The following PLBD1 variants were observed in gnomAD, a reference collection of about 807,000 sequenced individuals.
The protein encoded by PLBD1 is lysosomal leucine aminopeptidase.
PLBD1 carries 60 observed loss-of-function variants against 63.0 expected under a neutral mutation model. The ratio of observed to expected loss-of-function variants is 0.95; its 90% CI spans 0.77 to 1.18. PLBD1 has a LOEUF of 1.18. Ranked by LOEUF, PLBD1 falls within the 50% of genes most tolerant of loss-of-function variation. The pLI, the probability that PLBD1 is intolerant of heterozygous loss-of-function variation, is 0.00. For synonymous variants in PLBD1, 262 were observed against 248.0 expected (o/e 1.06, Z -0.53); for missense variants, 598 against 677.9 (o/e 0.88, Z 1.31).
At chr12:14,566,483 T>C (rs1459046284) in intron 1 of PLBD1, among the ~76,000 whole-genome samples, 1 of 152,184 alleles carries the variant, frequency 6.6e-6, no homozygotes, top group Admixed American at 6.5e-5. Flanking sequence ...ATTAATTCTC[T>C]TATTATTACT....
intron 4 of PLBD1, among the ~76,000 whole-genome samples, chr12:14,539,257 T>C (rs1272328799): frequency 1.3e-5 from 2 of 152,006 alleles, no homozygotes; most frequent in Non-Finnish European, 2.9e-5. Flanking sequence ...GAAAAATAAA[T>C]AAACACTGAT....
At chr12:14,565,423 G>A (rs544819815) in intron 1 of PLBD1, among the ~76,000 whole-genome samples, 11 of 151,268 alleles carry the variant, frequency 7.3e-5, no homozygotes, top group Non-Finnish European at 1.0e-4. Flanking sequence ...CCGAGATCAC[G>A]CCACTGTACC....
chr12:14,533,986 A>G (rs1270876157), intron 6 of PLBD1, among the ~76,000 whole-genome samples: 1 of 152,058 alleles, frequency 6.6e-6, no homozygotes, highest in Non-Finnish European at 1.5e-5. Flanking sequence ...TCCATAAAAC[A>G]TTTTTTAAAA....
chr12:14,558,041 T>C (rs1440282968), intron 1 of PLBD1, among the ~76,000 whole-genome samples: 2 of 91,274 alleles, frequency 2.2e-5, no homozygotes, highest in African/African-American at 8.0e-5. Flanking sequence ...AATGAAATAC[T>C]ACGTAGCCAA....
At chr12:14,567,483 G>C (rs1020430674) in intron 1 of PLBD1, 99 bp downstream of exon 1, 10 of 1,367,876 alleles carry the variant, frequency 7.3e-6, no homozygotes, top group African/African-American at 6.2e-5. Flanking sequence ...GGAACCAGAC[G>C]CCCGCTGGAC....
chr12:14,508,329 G>A lies in PLBD1; in HGVS notation c.1187-1211C>T, dbSNP rs373537739. ...TAAGCATCTTCATAAGCATGAGCAT[G>A]AAATGCATTCAGATGGAGTGCTTAC... On this transcript the variant is annotated intron_variant, in intron 8 of 10. Transcript: ENST00000240617. Among the ~76,000 whole-genome samples, 124 of 152,346 alleles carry A rather than the reference G, an allele frequency of 8.1e-4. 1 individual carries two copies. Among genetic ancestry groups the A allele is most frequent in the African/African-American group, 2.9e-3 (119 of 41,586 alleles).
chr12:14,523,632 T>A (rs993781869), intron 6 of PLBD1, among the ~76,000 whole-genome samples: 5 of 152,116 alleles, frequency 3.3e-5, no homozygotes, highest in African/African-American at 1.2e-4. Context: ...AAAATAGACA[T>A]ATATACTAAT....
rs372144515 is a variant in PLBD1, at chr12:14,544,196, C to T, written c.336-1905G>A. Among the ~76,000 whole-genome samples, 8 of 152,134 alleles carry T rather than the reference C, an allele frequency of 5.3e-5. No individual in the cohort carries two copies. The East Asian group carries it at 9.7e-4, about 18-fold the overall frequency. ...ACTAAGGACTTGTGTTTTTTTGAAA[C>T]GGAGTCTTGCTCTGTCACCCAGGCT... is the stretch of plus-strand genomic sequence containing the variant. On this transcript the variant is annotated intron_variant, in intron 2 of 10. Transcript: ENST00000240617.
At chr12:14,504,026 C>A (rs1202520346) in intron 10 of PLBD1, 72 bp from the exon 11 acceptor site, 2 of 1,361,672 alleles carry the variant, frequency 1.5e-6, no homozygotes, top group Non-Finnish European at 2.0e-6. Context: ...TGGCCTTCCC[C>A]ACTCTCCCAC....
intron 2 of PLBD1, among the ~76,000 whole-genome samples, chr12:14,546,821 A>C (rs1375840820): frequency 6.6e-6 from 1 of 152,228 alleles, no homozygotes; most frequent in Non-Finnish European, 1.5e-5. Context: ...CAAGACAGAT[A>C]GAAATACAGG....
At chr12:14,508,235 T>C (rs937420739) in intron 8 of PLBD1, among the ~76,000 whole-genome samples, 1 of 152,234 alleles carries the variant, frequency 6.6e-6, no homozygotes, top group African/African-American at 2.4e-5. Flanking sequence ...TTATTAGGTA[T>C]GTGACCTTGA....
intron 1 of PLBD1, among the ~76,000 whole-genome samples, chr12:14,565,320 G>T (rs1247033404): frequency 6.6e-6 from 1 of 151,960 alleles, no homozygotes; most frequent in Non-Finnish European, 1.5e-5. Flanking sequence ...ATAAAAATTA[G>T]CTGGGCGTGG....
In PLBD1 at chr12:14,553,285, G is replaced by C; in HGVS notation, c.243C>G (p.Ile81Met). Residue 81 changes from isoleucine (I) to methionine (M), a missense_variant, in exon 2 of 11, where the codon ATC (isoleucine) becomes ATG (methionine). Ile to Met is a conservative substitution (Grantham distance 10, BLOSUM62 1). Transcript: ENST00000240617. ...AGCCATAGCCAGCTCTGATCTCCAG[G>C]ATGCCCCAGCCTGTGGTTTTCACAG... is the stretch of plus-strand genomic sequence containing the variant. ...NNSVKTTGWG[I>M]LEIRAGYGSQ... is the part of the protein sequence containing the mutation. The C allele has an allele frequency of 6.2e-7, 1 of 1,614,178 alleles. No individual in the cohort carries two copies. The highest frequency in any genetic ancestry group is 8.5e-7 in the Non-Finnish European group (1 of 1,180,028).
chr12:14,521,847 G>A (rs942237122), intron 6 of PLBD1, among the ~76,000 whole-genome samples: 1 of 151,852 alleles, frequency 6.6e-6, no homozygotes, highest in Non-Finnish European at 1.5e-5. Flanking sequence ...TTAAAAATAT[G>A]ATCTTAAGGA....
chr12:14,511,171 C>T (rs566093824), intron 8 of PLBD1, 89 bp downstream of exon 8: 2 of 1,192,944 alleles, frequency 1.7e-6, no homozygotes, highest in African/African-American at 1.5e-5. Flanking sequence ...CCCTCCCCCA[C>T]CACACATTCA....
intron 10 of PLBD1, among the ~76,000 whole-genome samples, chr12:14,505,936 G>A (rs1350886585): frequency 1.3e-5 from 2 of 152,220 alleles, no homozygotes; most frequent in African/African-American, 4.8e-5. Context: ...TTTTACAGAT[G>A]AGGAAACAGA....
chr12:14,539,487 T>C (rs1407223620), intron 4 of PLBD1, among the ~76,000 whole-genome samples: 1 of 152,034 alleles, frequency 6.6e-6, no homozygotes, highest in South Asian at 2.1e-4. Context: ...TTTGCACAAA[T>C]ACAGTCATAT....
intron 10 of PLBD1, among the ~76,000 whole-genome samples, chr12:14,505,099 C>T (rs1047099030): frequency 5.3e-5 from 7 of 132,952 alleles, no homozygotes; most frequent in East Asian, 2.1e-4. Flanking sequence ...AGCTTCTCTA[C>T]GTCTACCTTT....
chr12:14,504,572 A>G (rs1945235919), intron 10 of PLBD1, among the ~76,000 whole-genome samples: 1 of 152,226 alleles, frequency 6.6e-6, no homozygotes, highest in Non-Finnish European at 1.5e-5. Context: ...TCTCCTTTGT[A>G]AAATGGGCTG....
Sources: allele counts gnomAD v4.1 joint callset (sites outside exome capture counted in the v4.1 genomes callset), GRCh38; gene constraint gnomAD v4.1.1; transcripts MANE v1.5; gene names NCBI Gene and HGNC (gene_info 2026-07-23, HGNC 2026-07-21).